Variants in BCR observed in about 807,000 individuals in gnomAD.
BCR encodes breakpoint cluster region protein.
Under a neutral mutation model 138.6 loss-of-function variants are expected in BCR, and 58 were observed. That is an observed-to-expected ratio of 0.42 (90% confidence interval 0.34 to 0.52). BCR has a LOEUF of 0.52. BCR is among the 20% of genes least tolerant of loss of function. The pLI is 0.06. For missense variants in BCR, 1,599 were observed against 1,727.2 expected (o/e 0.93, Z 1.32); for synonymous variants, 786 against 730.1 (o/e 1.08, Z -1.23).
rs1193897601 is a variant in BCR at position 23,276,315 on chromosome 22, C to T, written c.2115+2541C>T. ...TCAGGAGGCTGAGGCAGGAGAATCT[C>T]GTGAACCTGGGAGGCGGAGGTTGCA... On this transcript the variant is annotated intron_variant, in intron 8 of 22. Transcript: ENST00000305877. 5.3e-5 allele frequency among the ~76,000 whole-genome samples: 8 copies of T among 151,702 alleles called. No individual in the cohort carries two copies. The East Asian group carries it at 1.2e-3, about 22-fold the overall frequency.
intron 1 of BCR, among the ~76,000 whole-genome samples, chr22:23,225,101 C>T (rs1336788320): frequency 6.6e-6 from 1 of 151,864 alleles, no homozygotes; most frequent in African/African-American, 2.4e-5. Context: ...GATGAGCTCC[C>T]CTCTGAGACT....
intron 2 of BCR, among the ~76,000 whole-genome samples, chr22:23,256,946 C>T (rs373784907): frequency 6.6e-6 from 1 of 152,210 alleles, no homozygotes; most frequent in African/African-American, 2.4e-5. Flanking sequence ...GGAGGGCCTT[C>T]CTTCCATGTC....
At chr22:23,284,839 A>G (rs1360846076) in intron 9 of BCR, among the ~76,000 whole-genome samples, 194 bp from the exon 10 acceptor site, 1 of 152,182 alleles carries the variant, frequency 6.6e-6, no homozygotes, top group South Asian at 2.1e-4. Flanking sequence ...TCACATGTTC[A>G]GAGTGTCTGT....
chr22:23,251,976 C>T (rs762464756), intron 1 of BCR, among the ~76,000 whole-genome samples: 6 of 152,192 alleles, frequency 3.9e-5, no homozygotes, highest in African/African-American at 1.2e-4. Context: ...CTTGGAAACA[C>T]GTGTTGAGCT....
chr22:23,274,771 G>A (rs1225633956), intron 8 of BCR, among the ~76,000 whole-genome samples: 3 of 151,974 alleles, frequency 2.0e-5, no homozygotes, highest in East Asian at 1.9e-4. Flanking sequence ...AACTGGGCAC[G>A]GTGGTGGGTG....
intron 2 of BCR, among the ~76,000 whole-genome samples, chr22:23,258,858 C>T (rs1231198098): frequency 7.2e-5 from 11 of 152,344 alleles, no homozygotes; most frequent in African/African-American, 1.4e-4. Flanking sequence ...CAGGGACCAC[C>T]GCCCCAGTTC....
In BCR at chr22:23,263,136, A is replaced by G. The variant is rs937714843; in HGVS notation, c.1752+1596A>G. 5.3e-4 allele frequency: 379 copies of G among 716,344 alleles called. 3 individuals are homozygous for G. Among genetic ancestry groups the G allele is most frequent in the Admixed American group, 2.1e-4 (7 of 33,614 alleles). The allele number at this position is 716,344 out of a possible 1,614,324, so 44.4% of individuals were successfully genotyped here. On this transcript the variant is annotated intron_variant, in intron 4 of 22. Coordinates refer to ENST00000305877, the MANE Select transcript of BCR (RefSeq NM_004327.4). The stretch of plus-strand genomic sequence containing the variant: ...CTACATCCCGGGGACAGGGGCGGCC[A>G]TGGCGGCGGCAGCCAGGGAGGAGGA...
intron 20 of BCR, among the ~76,000 whole-genome samples, chr22:23,313,540 G>A (rs1283301297): frequency 1.3e-5 from 2 of 152,224 alleles, no homozygotes; most frequent in African/African-American, 2.4e-5. Flanking sequence ...TGGTGTCCAG[G>A]ACGACGAGGG....
Position 23,317,068 on chromosome 22 carries a change from C to T in BCR, c.*1546C>T, listed in dbSNP as rs928681081. The T allele has an allele frequency of 5.8e-5, 10 of 172,410 alleles. No homozygotes were observed. The highest frequency in any genetic ancestry group is 2.4e-4 in the African/African-American group (8 of 33,168). The allele number at this position is 172,410 out of a possible 1,614,324, so 10.7% of individuals were successfully genotyped here. A position where few individuals can be genotyped will look rare whatever the true frequency, so the allele number is the denominator to read the frequency against. On this transcript the variant is annotated 3_prime_UTR_variant, in exon 23 of 23. Coordinates refer to ENST00000305877, the MANE Select transcript of BCR (RefSeq NM_004327.4). ...CCCTGGATGACACCAGCACCCAGTGCGGCTCTGTCTGGCACCCGCTCCCAA... is the reference window on the plus strand; with the variant it reads ...CCCTGGATGACACCAGCACCCAGTGTGGCTCTGTCTGGCACCCGCTCCCAA...
intron 2 of BCR, among the ~76,000 whole-genome samples, chr22:23,257,707 C>A (rs774395944): frequency 2.6e-5 from 4 of 152,188 alleles, no homozygotes; most frequent in Admixed American, 6.5e-5. Flanking sequence ...TCATAGGTCG[C>A]CCCACCCTAC....
At chr22:23,192,841 C>T (rs942626191) in intron 1 of BCR, among the ~76,000 whole-genome samples, 2 of 152,114 alleles carry the variant, frequency 1.3e-5, no homozygotes, top group Non-Finnish European at 2.9e-5. Context: ...GAAGATGTAG[C>T]GGAGATACAC....
chr22:23,313,077 C>T, intron 20 of BCR, 56 bp downstream of exon 20: 2 of 1,533,422 alleles, frequency 1.3e-6, no homozygotes, highest in Non-Finnish European at 1.8e-6. Context: ...TGCACTGCTG[C>T]CCTTGGAGGC....
At chr22:23,312,027 C>A in intron 19 of BCR, 191 bp downstream of exon 19, 1 of 1,119,676 alleles carries the variant, frequency 8.9e-7, no homozygotes, top group Non-Finnish European at 1.2e-6. Context: ...AGTTTTTAAA[C>A]CATCCTAGCC....
intron 1 of BCR, among the ~76,000 whole-genome samples, chr22:23,184,117 C>T (rs1341104273): frequency 6.6e-6 from 1 of 152,224 alleles, no homozygotes; most frequent in Non-Finnish European, 1.5e-5. Flanking sequence ...GAGACAGCGT[C>T]TGGCTCTGCC....
intron 11 of BCR, among the ~76,000 whole-genome samples, chr22:23,287,578 G>A (rs2073730939): frequency 6.6e-6 from 1 of 152,216 alleles, no homozygotes; most frequent in Non-Finnish European, 1.5e-5. Context: ...CTGTCCTGGG[G>A]CCTTGAGGGC....
At chr22:23,268,386 T>C in intron 4 of BCR, 22 bp from the exon 5 acceptor site, 24 of 1,583,220 alleles carry the variant, frequency 1.5e-5, no homozygotes, top group Non-Finnish European at 2.1e-5. Context: ...TGTCCCACTC[T>C]CTCTTCCTTC....
At chr22:23,187,861 A>G (rs1299843359) in intron 1 of BCR, among the ~76,000 whole-genome samples, 1 of 152,226 alleles carries the variant, frequency 6.6e-6, no homozygotes, top group Non-Finnish European at 1.5e-5. Context: ...GTCAGTTGTG[A>G]GACGGGACAG....
intron 1 of BCR, among the ~76,000 whole-genome samples, chr22:23,195,968 C>G (rs2072476162): frequency 6.6e-6 from 1 of 152,160 alleles, no homozygotes; most frequent in Non-Finnish European, 1.5e-5. Context: ...AATAAAAAAA[C>G]ATTGCCATCT....
chr22:23,234,595 C>T (rs2073000999), intron 1 of BCR, among the ~76,000 whole-genome samples: 1 of 152,122 alleles, frequency 6.6e-6, no homozygotes, highest in Non-Finnish European at 1.5e-5. Context: ...TAAGTCACAG[C>T]AGGGATGGGG....
Sources: allele counts gnomAD v4.1 joint callset (sites outside exome capture counted in the v4.1 genomes callset), GRCh38; gene constraint gnomAD v4.1.1; transcripts MANE v1.5; gene names NCBI Gene and HGNC (gene_info 2026-07-23, HGNC 2026-07-21).